The following ZNF565 variants were observed in gnomAD, a reference collection of about 807,000 sequenced individuals.
ZNF565 encodes the protein zinc finger protein 565.
In ZNF565, 27 loss-of-function variants were observed where a neutral mutation model predicts 39.4. The observed-to-expected ratio is 0.69, with a 90% CI of 0.51 to 0.95. The LOEUF (loss-of-function observed/expected upper bound fraction) is 0.95. ZNF565 is among the 40% of genes least tolerant of loss of function. ZNF565 has a pLI of 0.00. For synonymous variants in ZNF565, 185 were observed against 216.6 expected, an observed-to-expected ratio of 0.85 and a Z score of 1.28; for missense variants, 524 against 621.1, an observed-to-expected ratio of 0.84 and a Z score of 1.66.
chr19:36,182,676 A>G lies in ZNF565; in HGVS notation c.1290T>C (p.Arg430=). The change falls in exon 5 of 5, where the codon CGT becomes CGC. Residue 430 remains arginine (R), a synonymous_variant. Transcript: ENST00000304116. ...ECKECGKAFI[R]VSQLTHHQRI... is the part of the protein sequence containing the mutation. ...GCTGATGATGAGTCAGTTGTGAAAC[A>G]CGAATAAAGGCCTTCCCACATTCCT... 6.2e-7 allele frequency: 1 copy of G among 1,614,190 alleles called. No homozygotes were observed. Among genetic ancestry groups the G allele is most frequent in the African/African-American group, 1.3e-5 (1 of 75,060 alleles).
intron 4 of ZNF565, among the ~76,000 whole-genome samples, chr19:36,188,489 G>T (rs947792543): frequency 2.0e-5 from 3 of 151,968 alleles, no homozygotes; most frequent in African/African-American, 7.3e-5. Context: ...AGGCGTGCAG[G>T]TCAGTTGAGG....
intron 1 of ZNF565, among the ~76,000 whole-genome samples, chr19:36,207,262 G>A (rs1000809506): frequency 6.6e-6 from 1 of 152,170 alleles, no homozygotes; most frequent in South Asian, 2.1e-4. Context: ...ATTTAAAAGG[G>A]GCGGGGCACA....
At chr19:36,198,304 A>C (rs970096674) in intron 2 of ZNF565, among the ~76,000 whole-genome samples, 48 of 152,198 alleles carry the variant, frequency 3.2e-4, no homozygotes, top group Non-Finnish European at 1.5e-5. Flanking sequence ...CTATTTAGCC[A>C]CAAAAAGAAT....
chr19:36,218,578 G>A (rs558404550), upstream of ZNF565, among the ~76,000 whole-genome samples: 1 of 151,158 alleles, frequency 6.6e-6, no homozygotes, highest in East Asian at 1.9e-4. Context: ...CCATTCTCCC[G>A]CCTCAGCCTC....
At chr19:36,237,426 C>G in intron 1 of ZNF565, 1 of 1,381,058 alleles carries the variant, frequency 7.2e-7, no homozygotes, top group Admixed American at 2.8e-5. Context: ...ATGAGGTTAA[C>G]TTTAACAAGT....
intron 1 of ZNF565, among the ~76,000 whole-genome samples, chr19:36,211,449 T>TCACACACACACACACACACACACA (rs370230430): frequency 2.9e-5 from 4 of 137,676 alleles, no homozygotes. Flanking sequence ...CAACTCTCTC[T>TCACACACACACACACACACACACA]CACACACACA....
chr19:36,230,466 C>T (rs2432055), intron 1 of ZNF565, among the ~76,000 whole-genome samples: 95,502 of 151,236 alleles, frequency 0.63, 30,227 homozygotes, highest in Middle Eastern at 0.71. Context: ...AAGGGAAAAC[C>T]GGTATAGAGA....
At chr19:36,185,818 C>T (rs1321036114) in intron 4 of ZNF565, among the ~76,000 whole-genome samples, 4 of 151,258 alleles carry the variant, frequency 2.6e-5, no homozygotes, top group Admixed American at 6.6e-5. Context: ...CTCAGCCTCC[C>T]GAGTAGCTGG....
intron 4 of ZNF565, among the ~76,000 whole-genome samples, chr19:36,191,871 G>A (rs936009379): frequency 6.6e-6 from 1 of 152,116 alleles, no homozygotes; most frequent in South Asian, 2.1e-4. Context: ...CGGAGTGGGA[G>A]GAGGAAAAGC....
Position 36,194,290 on chromosome 19 carries a change from C to A in ZNF565, c.175G>T (p.Glu59Ter). 1 of 1,612,878 alleles carries A rather than the reference C, an allele frequency of 6.2e-7. No individual in the cohort carries two copies. Among genetic ancestry groups the A allele is most frequent in the South Asian group, 1.1e-5 (1 of 90,770 alleles). The change falls in exon 4 of 5, where the codon GAG becomes TAG. Residue 59 changes from glutamate to a stop codon, truncating the protein, a stop_gained. Coordinates refer to ENST00000304116, the MANE Select transcript of ZNF565 (RefSeq NM_152477.5). LOFTEE classifies it high-confidence loss of function. ...ISKPDVVSLLEQGKEPWMIAN... is the reference protein window; with the variant it reads ...ISKPDVVSLL ...ATCATCCAGGGCTCTTTCCCTTGCT[C>A]CAATAAGGAGACGACATCAGGCTTA...
chr19:36,230,334 C>G (rs1977272290), intron 1 of ZNF565, among the ~76,000 whole-genome samples: 2 of 152,138 alleles, frequency 1.3e-5, no homozygotes, highest in African/African-American at 4.8e-5. Context: ...TGTCAGCTAT[C>G]AAAACAGTCA....
chr19:36,204,824 T>C (rs1180830491), intron 1 of ZNF565, among the ~76,000 whole-genome samples: 1 of 151,776 alleles, frequency 6.6e-6, no homozygotes, highest in African/African-American at 2.4e-5. Flanking sequence ...ACCCTGTCTC[T>C]ACTAAAAATA....
intron 1 of ZNF565, among the ~76,000 whole-genome samples, chr19:36,208,205 A>ATTTTTTTT (rs11307687): frequency 1.2e-4 from 16 of 136,024 alleles, no homozygotes; most frequent in African/African-American, 4.1e-4. Flanking sequence ...TTACAGGACA[A>ATTTTTTTT]TTTTTTTTTT....
chr19:36,231,732 C>T (rs934343736), intron 1 of ZNF565, among the ~76,000 whole-genome samples: 6 of 151,996 alleles, frequency 3.9e-5, no homozygotes, highest in Admixed American at 2.6e-4. Flanking sequence ...ATTTCTTTTC[C>T]CATGGTCTTT....
chr19:36,231,557 C>A lies in ZNF565; in HGVS notation c.55+13919G>T, dbSNP rs150722617. Among the ~76,000 whole-genome samples, 206 of 152,298 alleles carry A rather than the reference C, an allele frequency of 1.4e-3. 1 individual carries two copies. Among genetic ancestry groups the A allele is most frequent in the African/African-American group, 4.5e-3 (188 of 41,568 alleles). Reference sequence around the variant, plus strand: ...ATAATATCAATTCTTATTTTGGCATCTCCAGAGTTTCTGTCTTGCCTTACA... The same window carrying A: ...ATAATATCAATTCTTATTTTGGCATATCCAGAGTTTCTGTCTTGCCTTACA... On this transcript the variant is annotated intron_variant, in intron 1 of 4. Transcript: ENST00000355114.
At chr19:36,199,986 C>A (rs1341769386) in intron 2 of ZNF565, among the ~76,000 whole-genome samples, 1 of 151,546 alleles carries the variant, frequency 6.6e-6, no homozygotes, top group Non-Finnish European at 1.5e-5. Context: ...ATGGTTATAT[C>A]TATCAACATT....
At chr19:36,218,762 C>A (rs1387016316), upstream of ZNF565, among the ~76,000 whole-genome samples, 2 of 151,462 alleles carry the variant, frequency 1.3e-5, no homozygotes, top group African/African-American at 4.9e-5. Flanking sequence ...AGCCACTGCG[C>A]CCGGCCTAAT....
At chr19:36,195,004 T>A (rs1568415765) in intron 3 of ZNF565, 26 bp downstream of exon 3, 1 of 1,614,108 alleles carries the variant, frequency 6.2e-7, no homozygotes, top group East Asian at 2.2e-5. Context: ...GCTTTCCGTC[T>A]GGCCCGTGTG....
chr19:36,203,132 C>T (rs924893035), intron 1 of ZNF565, among the ~76,000 whole-genome samples: 16 of 151,930 alleles, frequency 1.1e-4, no homozygotes, highest in Admixed American at 9.2e-4. Context: ...GTCGGGAGTT[C>T]GAGACCAGCC....
Sources: allele counts gnomAD v4.1 joint callset (sites outside exome capture counted in the v4.1 genomes callset), GRCh38; gene constraint gnomAD v4.1.1; transcripts MANE v1.5; gene names NCBI Gene and HGNC (gene_info 2026-07-23, HGNC 2026-07-21).